Variants in SLC35F5 observed in about 807,000 individuals in gnomAD.
The protein encoded by SLC35F5 is HCV NS5A-transactivated protein 3.
Under a neutral mutation model 68.6 loss-of-function variants are expected in SLC35F5, and 54 were observed. The observed-to-expected ratio is 0.79, with a 90% CI of 0.63 to 0.99. The LOEUF is 0.99. Among genes scored for constraint, SLC35F5 ranks in the 50% least tolerant of loss-of-function variants. The probability of loss-of-function intolerance (pLI) is 0.00; values close to 1 mark genes in which losing one functional copy is unlikely to be tolerated. For synonymous variants in SLC35F5, 211 were observed against 205.2 expected (o/e 1.03, Z -0.24); for missense variants, 567 against 626.9 (o/e 0.90, Z 1.02).
chr2:113,756,200 C>G, intron 1 of SLC35F5, 170 bp downstream of exon 1: 1 of 1,489,854 alleles, frequency 6.7e-7, no homozygotes. Context: ...CAGCGGTGGG[C>G]GCAGGGCTCC....
chr2:113,729,546 T>C, intron 10 of SLC35F5, 41 bp from the exon 11 acceptor site: 1 of 1,028,586 alleles, frequency 9.7e-7, no homozygotes, highest in South Asian at 1.4e-5. Flanking sequence ...ACTCATTAGC[T>C]CATTCAATAT....
intron 3 of SLC35F5, among the ~76,000 whole-genome samples, chr2:113,753,029 T>G (rs548170663): frequency 6.6e-6 from 1 of 152,156 alleles, no homozygotes; most frequent in East Asian, 1.9e-4. Flanking sequence ...GTTGGCAAAT[T>G]TGGTTAAGTG....
At chr2:113,739,063 AC>A (rs1468910546) in intron 7 of SLC35F5, among the ~76,000 whole-genome samples, 7 of 152,124 alleles carry the variant, frequency 4.6e-5, no homozygotes, top group Admixed American at 2.6e-4. Flanking sequence ...TTTCTATTGA[AC>A]AGCACTGCTC....
rs561307335 is a variant in SLC35F5, at chr2:113,751,469, C to A, written c.274-901G>T. On this transcript the variant is annotated intron_variant, in intron 3 of 15. Coordinates refer to ENST00000245680, the MANE Select transcript of SLC35F5 (RefSeq NM_025181.5). ...AAAATGACAATCCAGGAGGAAAGTG[C>A]AACTCTAGGACGTAAATGGTGGTCC... Among the ~76,000 whole-genome samples, 146 of 152,130 alleles carry A rather than the reference C, an allele frequency of 9.6e-4. 1 individual carries two copies. The highest frequency in any genetic ancestry group is 2.9e-3 in the Admixed American group (45 of 15,272).
chr2:113,725,669 G>T, intron 11 of SLC35F5, 132 bp from the exon 12 acceptor site: 2 of 784,106 alleles, frequency 2.6e-6, no homozygotes, highest in Non-Finnish European at 3.9e-6. Context: ...ACTTCTGTTG[G>T]TTTGTTTTTA....
chr2:113,724,470 TTAC>T (rs1314848363), intron 12 of SLC35F5, among the ~76,000 whole-genome samples: 10 of 152,122 alleles, frequency 6.6e-5, no homozygotes, highest in Non-Finnish European at 1.2e-4. Context: ...AGAACATAAA[TTAC>T]TACAATACAA....
chr2:113,720,517 T>C (rs1345840401), intron 13 of SLC35F5, among the ~76,000 whole-genome samples: 1 of 152,158 alleles, frequency 6.6e-6, no homozygotes, highest in African/African-American at 2.4e-5. Flanking sequence ...GCCCTATTTC[T>C]ATGGTATTCA....
intron 6 of SLC35F5, among the ~76,000 whole-genome samples, chr2:113,743,415 A>G (rs1031686950): frequency 6.6e-6 from 1 of 152,232 alleles, no homozygotes; most frequent in Non-Finnish European, 1.5e-5. Context: ...GGGCATATTT[A>G]AGAGGATATT....
At chr2:113,744,863 A>C (rs1174568606) in intron 5 of SLC35F5, among the ~76,000 whole-genome samples, 1 of 152,240 alleles carries the variant, frequency 6.6e-6, no homozygotes, top group Admixed American at 6.5e-5. Flanking sequence ...CCAAAGGTCC[A>C]TATTTTTAGG....
Position 113,739,260 on chromosome 2 carries a change from C to T in SLC35F5, c.751-3402G>A, listed in dbSNP as rs559503432. On this transcript the variant is annotated intron_variant, in intron 7 of 15. Transcript: ENST00000245680. ...CAACCTACACACATCCTCCCATATA[C>T]GTTAAATCATCTCTAGATTACTTGT... Among the ~76,000 whole-genome samples the T allele has an allele frequency of 4.6e-5, 7 of 151,270 alleles. No homozygotes were observed. The East Asian group carries it at 7.7e-4, about 17-fold the overall frequency.
intron 3 of SLC35F5, among the ~76,000 whole-genome samples, chr2:113,751,247 T>A (rs1676725210): frequency 6.6e-6 from 1 of 152,176 alleles, no homozygotes. Flanking sequence ...CAGCATCATG[T>A]GCCAAGTAAC....
intron 12 of SLC35F5, 70 bp from the exon 13 acceptor site, chr2:113,723,264 TTCTA>T: frequency 8.9e-7 from 1 of 1,118,218 alleles, no homozygotes; most frequent in Non-Finnish European, 1.3e-6. Context: ...AACAAAGACT[TTCTA>T]TCCTATAATA....
At position 113,719,417 on chromosome 2, in the gene SLC35F5, G is replaced by C. The variant is rs552570598; in HGVS notation, c.1342-109C>G. The C allele has an allele frequency of 1.0e-5, 10 of 957,558 alleles. 1 individual carries two copies. In the African/African-American group the frequency reaches 1.7e-4, roughly 16 times the overall value. The allele number at this position is 957,558 out of a possible 1,614,324, so 59.3% of individuals were successfully genotyped here. A position where few individuals can be genotyped will look rare whatever the true frequency, so the allele number is the denominator to read the frequency against. On this transcript the variant is annotated intron_variant, in intron 13 of 15. Transcript: ENST00000245680. The stretch of plus-strand genomic sequence containing the variant: ...GAAAACTAGCAGGAATAAGAACAAT[G>C]GGAAGACAAAATTAAACACTGACAA...
chr2:113,746,929 GAAA>G (rs68171112), intron 4 of SLC35F5, among the ~76,000 whole-genome samples: 24 of 103,998 alleles, frequency 2.3e-4, no homozygotes, highest in Non-Finnish European at 3.4e-4. Flanking sequence ...CTCAAAAAAA[GAAA>G]AAAAAAAAAA....
At chr2:113,732,623 T>C (rs1216292761) in intron 9 of SLC35F5, among the ~76,000 whole-genome samples, 1 of 152,184 alleles carries the variant, frequency 6.6e-6, no homozygotes, top group African/African-American at 2.4e-5. Flanking sequence ...CATATTCAGA[T>C]TCAGCTATTA....
At position 113,712,591 on chromosome 2, in the gene SLC35F5, A is replaced by G. The variant is rs1389344799; in HGVS notation, c.*2627T>C. Among the ~76,000 whole-genome samples the G allele has an allele frequency of 1.3e-5, 2 of 152,304 alleles. No individual in the cohort carries two copies. Among genetic ancestry groups the G allele is most frequent in the African/African-American group, 4.8e-5 (2 of 41,582 alleles). ...CGGCCTCCCAAAGTGCTGGGACTAC[A>G]GGCGTGAGCCACCACGCCCGGCCCA... is the stretch of plus-strand genomic sequence containing the variant. On this transcript the variant is annotated 3_prime_UTR_variant, in exon 16 of 16. Coordinates refer to ENST00000245680, the MANE Select transcript of SLC35F5 (RefSeq NM_025181.5).
intron 7 of SLC35F5, among the ~76,000 whole-genome samples, chr2:113,740,630 T>C (rs1676225235): frequency 6.6e-6 from 1 of 152,126 alleles, no homozygotes; most frequent in Non-Finnish European, 1.5e-5. Flanking sequence ...GATTTTTTTC[T>C]TTTTCTTTTT....
chr2:113,725,349 A>T, intron 12 of SLC35F5, 29 bp downstream of exon 12: 4 of 1,569,538 alleles, frequency 2.5e-6, no homozygotes, highest in Non-Finnish European at 3.4e-6. Context: ...TAATCAACTG[A>T]TAATAATTGG....
intron 11 of SLC35F5, among the ~76,000 whole-genome samples, chr2:113,728,306 T>C (rs1164227015): frequency 6.6e-6 from 1 of 152,156 alleles, no homozygotes; most frequent in African/African-American, 2.4e-5. Flanking sequence ...ATAGTCTTTT[T>C]TTAAAAAAAA....
Sources: gnomAD v4.1 joint callset for allele counts (sites outside exome capture counted in the v4.1 genomes callset) on GRCh38, gnomAD v4.1.1 for gene constraint, MANE v1.5 for transcripts, NCBI Gene and HGNC (gene_info 2026-07-23, HGNC 2026-07-21) for gene names.